The following RIT2 variants were observed in gnomAD, a reference collection of about 807,000 sequenced individuals.
RIT2 encodes the protein GTP-binding protein Rit2.
Under a neutral mutation model 23.7 loss-of-function variants are expected in RIT2, and 24 were observed. The observed-to-expected ratio is 1.01, with a 90% CI of 0.73 to 1.43. The LOEUF is 1.43. RIT2 is among the 40% of genes most tolerant of loss of function. RIT2 has a pLI of 0.00. For synonymous variants in RIT2, 107 were observed against 91.1 expected, an observed-to-expected ratio of 1.17 and a Z score of -0.99; for missense variants, 236 against 266.9, an observed-to-expected ratio of 0.88 and a Z score of 0.81.
At chr18:42,900,466 G>T (rs1357159249) in intron 4 of RIT2, among the ~76,000 whole-genome samples, 1 of 151,982 alleles carries the variant, frequency 6.6e-6, no homozygotes, top group Admixed American at 6.6e-5. Context: ...GGTTAACAAT[G>T]CATAGCCTCA....
chr18:42,833,248 G>A (rs1258315498), intron 4 of RIT2, among the ~76,000 whole-genome samples: 1 of 151,988 alleles, frequency 6.6e-6, no homozygotes, highest in Non-Finnish European at 1.5e-5. Context: ...TGTGATATTT[G>A]TCTATTTCTG....
intron 4 of RIT2, among the ~76,000 whole-genome samples, chr18:42,794,038 T>G (rs1164450579): frequency 6.6e-6 from 1 of 152,210 alleles, no homozygotes; most frequent in Non-Finnish European, 1.5e-5. Flanking sequence ...TTAAATTTTC[T>G]GTGCTCCCAA....
At chr18:42,897,269 T>G (rs912882985) in intron 4 of RIT2, among the ~76,000 whole-genome samples, 2 of 152,162 alleles carry the variant, frequency 1.3e-5, no homozygotes, top group African/African-American at 4.8e-5. Flanking sequence ...AGACTTGCTG[T>G]GTTAGATTCT....
chr18:42,904,113 C>A (rs1321246452), intron 4 of RIT2, among the ~76,000 whole-genome samples: 1 of 151,990 alleles, frequency 6.6e-6, no homozygotes, highest in Non-Finnish European at 1.5e-5. Context: ...ACAAGAATTT[C>A]TTTGTATGAC....
chr18:42,839,680 T>C (rs576063400), intron 4 of RIT2, among the ~76,000 whole-genome samples: 24 of 152,382 alleles, frequency 1.6e-4, no homozygotes, highest in African/African-American at 4.3e-4. Flanking sequence ...ATCTACCATT[T>C]AGCAAGTACT....
At chr18:42,986,643 A>G (rs1910716549) in intron 2 of RIT2, among the ~76,000 whole-genome samples, 1 of 151,840 alleles carries the variant, frequency 6.6e-6, no homozygotes, top group Non-Finnish European at 1.5e-5. Flanking sequence ...CTGGGACTAT[A>G]GGTGTGTGCA....
intron 4 of RIT2, among the ~76,000 whole-genome samples, chr18:42,833,323 T>A (rs773515099): frequency 6.6e-6 from 1 of 152,220 alleles, no homozygotes; most frequent in Admixed American, 6.5e-5. Context: ...ATTTCATTTA[T>A]TTTTATGGCT....
intron 4 of RIT2, among the ~76,000 whole-genome samples, chr18:42,787,605 T>C (rs1317148865): frequency 1.3e-5 from 2 of 152,222 alleles, no homozygotes; most frequent in East Asian, 3.8e-4. Context: ...TCATTTGTGA[T>C]AAGTTCTTTG....
At chr18:42,748,694 A>G (rs1238301217) in intron 4 of RIT2, among the ~76,000 whole-genome samples, 1 of 151,754 alleles carries the variant, frequency 6.6e-6, no homozygotes, top group Non-Finnish European at 1.5e-5. Flanking sequence ...CAGCGCAGAA[A>G]ACAAGTGGGA....
chr18:43,029,191 A>C (rs1911799618), intron 2 of RIT2, among the ~76,000 whole-genome samples: 1 of 152,076 alleles, frequency 6.6e-6, no homozygotes, highest in South Asian at 2.1e-4. Flanking sequence ...CTTAGAAAGA[A>C]TATAAATCTT....
chr18:42,933,551 C>T (rs1219887957), intron 3 of RIT2, among the ~76,000 whole-genome samples: 3 of 151,970 alleles, frequency 2.0e-5, no homozygotes, highest in Non-Finnish European at 4.4e-5. Context: ...TGAGTGAGTG[C>T]TCATGATAAT....
chr18:42,998,085 T>C (rs910181724), intron 2 of RIT2, among the ~76,000 whole-genome samples: 1 of 152,156 alleles, frequency 6.6e-6, no homozygotes, highest in South Asian at 2.1e-4. Context: ...CTGCTATTTG[T>C]CCTATCTTCT....
chr18:43,013,489 T>C (rs1463482372), intron 2 of RIT2, among the ~76,000 whole-genome samples: 1 of 151,774 alleles, frequency 6.6e-6, no homozygotes, highest in African/African-American at 2.4e-5. Flanking sequence ...ATATTTATCC[T>C]AGTATTTATA....
chr18:42,794,546 A>T (rs749184387), intron 4 of RIT2, among the ~76,000 whole-genome samples: 4 of 152,230 alleles, frequency 2.6e-5, no homozygotes, highest in Non-Finnish European at 2.9e-5. Flanking sequence ...ACATAAGCAA[A>T]CATGAGCTTA....
At chr18:43,092,824 G>A (rs568794369) in intron 1 of RIT2, among the ~76,000 whole-genome samples, 10 of 152,164 alleles carry the variant, frequency 6.6e-5, no homozygotes, top group South Asian at 6.2e-4. Context: ...TGGCTGAAAC[G>A]TAGGTTCTAT....
chr18:43,110,673 A>G (rs761431748), intron 1 of RIT2, among the ~76,000 whole-genome samples: 4 of 152,078 alleles, frequency 2.6e-5, no homozygotes, highest in Admixed American at 2.6e-4. Context: ...ACTGAACTTT[A>G]TTGGATAATT....
At chr18:42,909,480 C>A (rs1046107081) in intron 4 of RIT2, among the ~76,000 whole-genome samples, 1 of 152,018 alleles carries the variant, frequency 6.6e-6, no homozygotes, top group African/African-American at 2.4e-5. Context: ...CATTTAAAAA[C>A]CCTCCAGTTT....
chr18:43,074,669 G>A (rs1296555350), intron 1 of RIT2, among the ~76,000 whole-genome samples: 1 of 152,068 alleles, frequency 6.6e-6, no homozygotes, highest in East Asian at 1.9e-4. Flanking sequence ...GTGATAAACT[G>A]GATAAAGAAA....
intron 4 of RIT2, among the ~76,000 whole-genome samples, chr18:42,786,364 C>T (rs764979313): frequency 7.2e-5 from 11 of 152,280 alleles, no homozygotes; most frequent in Middle Eastern, 6.8e-3. Flanking sequence ...AAAACTGACA[C>T]AACACATTGT....
Sources: gnomAD v4.1 joint callset for allele counts (sites outside exome capture counted in the v4.1 genomes callset) on GRCh38, gnomAD v4.1.1 for gene constraint, MANE v1.5 for transcripts, NCBI Gene and HGNC (gene_info 2026-07-23, HGNC 2026-07-21) for gene names.